SUN2: variants seen among roughly 807,000 people sequenced by gnomAD.
SUN2 encodes Sad1 and UNC84 domain containing 2.
Under a neutral mutation model 100.0 loss-of-function variants are expected in SUN2, and 60 were observed. That is an observed-to-expected ratio of 0.60 (90% CI 0.49 to 0.74). The LOEUF (loss-of-function observed/expected upper bound fraction) is 0.74. Among genes scored for constraint, SUN2 ranks in the 30% least tolerant of loss-of-function variants. The pLI is 0.00. For synonymous variants in SUN2, 367 were observed against 403.3 expected (o/e 0.91, Z 1.08); for missense variants, 834 against 954.6 (o/e 0.87, Z 1.66).
Position 38,739,853 on chromosome 22 carries a change from C to T in SUN2, c.1447G>A (p.Ala483Thr), listed in dbSNP as rs1392266565. 6.2e-7 allele frequency: 1 copy of T among 1,613,500 alleles called. No homozygotes were observed. The highest frequency in any genetic ancestry group is 8.5e-7 in the Non-Finnish European group (1 of 1,180,044). Residue 483 changes from alanine (A) to threonine (T), a missense_variant, in exon 13 of 18, where the codon GCT (alanine) becomes ACT (threonine). By Grantham distance (58) the Ala-to-Thr change is moderately conservative. Around this residue, in one of 3 missense-constraint regions of SUN2, gnomAD observed 195 missense variants for 280.2 expected, o/e 0.70. Coordinates refer to ENST00000689035, the MANE Select transcript of SUN2 (RefSeq NM_015374.3). This position sits in a 1 kb window ranked among gnomAD's most constrained non-coding sequence, Gnocchi z 6.7. ...TTGCTCTCCAGCTCTCGCAGCTGAG[C>T]TTGCATCTCCTCTCTCTGAAGGAGC... ...VGLLQREEMQ[A>T]QLRELESKIL... is the part of the protein sequence containing the mutation.
intron 1 of SUN2, among the ~76,000 whole-genome samples, chr22:38,753,832 G>C (rs1235380252): frequency 6.6e-6 from 1 of 152,222 alleles, no homozygotes; most frequent in Non-Finnish European, 1.5e-5. Context: ...TTTGGGCTCA[G>C]CTCTGACAGG....
At position 38,738,543 on chromosome 22, in the gene SUN2, TC is replaced by T; in HGVS notation, c.1947+43del. ...ATCCTCAGTAGAGAGGCCCACAGGATCCCCCTGCAGCCCCTCTGGCCCCACC... is the reference window on the plus strand; with the variant it reads ...ATCCTCAGTAGAGAGGCCCACAGGATCCCCTGCAGCCCCTCTGGCCCCACC... On this transcript the variant is annotated intron_variant, in intron 16 of 17. Transcript: ENST00000689035. This position sits in a 1 kb window ranked among gnomAD's most constrained non-coding sequence, Gnocchi z 6.6. 1 of 1,591,372 alleles carries T rather than the reference TC, an allele frequency of 6.3e-7. No homozygotes were observed. Among genetic ancestry groups the T allele is most frequent in the Non-Finnish European group, 8.6e-7 (1 of 1,164,278 alleles).
chr22:38,754,906 C>G, intron 1 of SUN2: 1 of 1,289,332 alleles, frequency 7.8e-7, no homozygotes, highest in Non-Finnish European at 1.0e-6. Context: ...ACCATTGAGT[C>G]TGGGTTTCAC....
chr22:38,751,699 T>C (rs1283864426), intron 2 of SUN2, among the ~76,000 whole-genome samples: 2 of 152,224 alleles, frequency 1.3e-5, no homozygotes, highest in Non-Finnish European at 2.9e-5. Flanking sequence ...CTGGGCCCCA[T>C]GCCTGTGAGC....
intron 2 of SUN2, 147 bp downstream of exon 2, chr22:38,752,360 C>G: frequency 1.0e-6 from 1 of 960,222 alleles, no homozygotes; most frequent in Non-Finnish European, 1.6e-6. Context: ...GGAAGGACCC[C>G]CTCGACCGGA....
chr22:38,742,175 G>A, intron 9 of SUN2, 126 bp downstream of exon 9: 1 of 1,211,772 alleles, frequency 8.3e-7, no homozygotes, highest in African/African-American at 1.5e-5. Flanking sequence ...AAAAGAGAAA[G>A]GGAGTAACTG....
chr22:38,736,070 G>T lies in SUN2; in HGVS notation c.*197C>A. On this transcript the variant is annotated 3_prime_UTR_variant, in exon 18 of 18. Coordinates refer to ENST00000689035, the MANE Select transcript of SUN2 (RefSeq NM_015374.3). ...CACGGGCACAGAGGGAAGGAAGAAG[G>T]GAGCTGCTGGAGCCTGCTAACCGCC... 1.5e-6 allele frequency: 1 copy of T among 646,676 alleles called. No individual in the cohort carries two copies. 40.1% of individuals were successfully genotyped at this position (646,676 alleles called of 1,614,324 possible). A position where few individuals can be genotyped will look rare whatever the true frequency, so the allele number is the denominator to read the frequency against.
In SUN2 at chr22:38,749,806, T is replaced by TC. The variant is rs768564794; in HGVS notation, c.573dup (p.Thr192AspfsTer8). The TC allele has an allele frequency of 6.2e-7, 1 of 1,614,094 alleles. No individual in the cohort carries two copies. The highest frequency in any genetic ancestry group is 1.7e-5 in the Admixed American group (1 of 60,022). Reference sequence around the variant, plus strand: ...ACGTCAAGGAGGGAGGCAGCTGTGGTCAGGCGGTACCAGGTGGTGCCAGCC... The same window carrying TC: ...ACGTCAAGGAGGGAGGCAGCTGTGGTCCAGGCGGTACCAGGTGGTGCCAGCC... On this transcript the variant is annotated frameshift_variant, in exon 6 of 18. Transcript: ENST00000689035. LOFTEE classifies it high-confidence loss of function.
At chr22:38,748,152 T>G (rs2092918441) in intron 7 of SUN2, among the ~76,000 whole-genome samples, 1 of 150,780 alleles carries the variant, frequency 6.6e-6, no homozygotes, top group Admixed American at 6.6e-5. Flanking sequence ...CCATCTCTAG[T>G]AAAAATACAA....
rs984143422 is a variant in SUN2, at chr22:38,738,526, T to G, written c.1947+61A>C. 1 of 1,576,758 alleles carries G rather than the reference T, an allele frequency of 6.3e-7. No individual in the cohort carries two copies. Among genetic ancestry groups the G allele is most frequent in the Non-Finnish European group, 8.7e-7 (1 of 1,155,872 alleles). On this transcript the variant is annotated intron_variant, in intron 16 of 17. Coordinates refer to ENST00000689035, the MANE Select transcript of SUN2 (RefSeq NM_015374.3). The surrounding 1 kb of genome is among the most constrained non-coding windows in gnomAD (Gnocchi z 6.6). ...AGGGTGACCCTGACTTGATCCTCAG[T>G]AGAGAGGCCCACAGGATCCCCCTGC... is the stretch of plus-strand genomic sequence containing the variant.
intron 8 of SUN2, 31 bp downstream of exon 8, chr22:38,745,653 C>G (rs909480161): frequency 9.9e-6 from 16 of 1,611,118 alleles, no homozygotes; most frequent in Non-Finnish European, 1.2e-5. Flanking sequence ...TATTGCTAAG[C>G]TCTTGGGAGC....
chr22:38,739,076 C>T lies in SUN2; in HGVS notation c.1664-88G>A, dbSNP rs377281247. The T allele has an allele frequency of 3.8e-5, 50 of 1,303,796 alleles. No homozygotes were observed. The highest frequency in any genetic ancestry group is 2.8e-4 in the Admixed American group (14 of 50,486). 80.8% of individuals were successfully genotyped at this position (1,303,796 alleles called of 1,614,324 possible). ...TGGCTGTCTCCTCGCTGAAGGTGGACGGCAGATGCCCCAGGCCTAGCCTTT... is the reference window on the plus strand; with the variant it reads ...TGGCTGTCTCCTCGCTGAAGGTGGATGGCAGATGCCCCAGGCCTAGCCTTT... On this transcript the variant is annotated intron_variant, in intron 14 of 17. Coordinates refer to ENST00000689035, the MANE Select transcript of SUN2 (RefSeq NM_015374.3). The surrounding 1 kb of genome is among the most constrained non-coding windows in gnomAD (Gnocchi z 6.7).
rs775673499 is a variant in SUN2 at position 38,752,600 on chromosome 22, C to T, written c.29G>A (p.Arg10His). 72 of 1,613,824 alleles carry T rather than the reference C, an allele frequency of 4.5e-5. No homozygotes were observed. The highest frequency in any genetic ancestry group is 8.0e-5 in the African/African-American group (6 of 74,934). MSRRSQRLT[R>H]YSQGDDDGSS... ...GCCGTCATCGTCACCCTGGGAGTAGCGCGTGAGGCGCTGGCTTCTTCGGGA... is the reference window on the plus strand; with the variant it reads ...GCCGTCATCGTCACCCTGGGAGTAGTGCGTGAGGCGCTGGCTTCTTCGGGA... Residue 10 changes from arginine to histidine, a missense_variant, in exon 2 of 18, where the codon CGC becomes CAC. By Grantham distance (29) the Arg-to-His change is conservative (BLOSUM62 0). Coordinates refer to ENST00000689035, the MANE Select transcript of SUN2 (RefSeq NM_015374.3).
chr22:38,755,454 G>T lies in SUN2; in HGVS notation c.-38+309C>A, dbSNP rs969342347. The stretch of plus-strand genomic sequence containing the variant: ...AAACGGCCTGTCTGGCACAAAACCC[G>T]TAGGCGCTGCCCGGGGCCGGGTTGG... On this transcript the variant is annotated intron_variant, in intron 1 of 17. Coordinates refer to ENST00000689035, the MANE Select transcript of SUN2 (RefSeq NM_015374.3). This position sits in a 1 kb window ranked among gnomAD's most constrained non-coding sequence, Gnocchi z 5.7. 2 of 990,604 alleles carry T rather than the reference G, an allele frequency of 2.0e-6. No individual in the cohort carries two copies. The highest frequency in any genetic ancestry group is 5.7e-5 in the Admixed American group (1 of 17,392). The allele number at this position is 990,604 out of a possible 1,614,324, so 61.4% of individuals were successfully genotyped here.
At position 38,738,632 on chromosome 22, in the gene SUN2, T is replaced by C. The variant is rs1270226919; in HGVS notation, c.1902A>G (p.Ser634=). ...GGGCACTGGAGATAGTGCTGTTGGG[T>C]GACAAGGCCTTGGGCACATGCTCTA... The part of the protein sequence containing the change: ...VTLEHVPKAL[S]PNSTISSAPK... Residue 634 remains serine (S), a synonymous_variant, in exon 16 of 18, where the codon TCA becomes TCG. Transcript: ENST00000689035. The surrounding 1 kb of genome is among the most constrained non-coding windows in gnomAD (Gnocchi z 6.6). The C allele has an allele frequency of 6.2e-7, 1 of 1,613,772 alleles. No homozygotes were observed. Among genetic ancestry groups the C allele is most frequent in the East Asian group, 2.2e-5 (1 of 44,890 alleles).
intron 8 of SUN2, among the ~76,000 whole-genome samples, chr22:38,744,446 T>C (rs1472880115): frequency 6.6e-6 from 1 of 151,962 alleles, no homozygotes; most frequent in Non-Finnish European, 1.5e-5. Context: ...ACAGACATGG[T>C]GGTGTACACC....
chr22:38,748,647 C>A, intron 7 of SUN2, 66 bp downstream of exon 7: 1 of 1,594,544 alleles, frequency 6.3e-7, no homozygotes, highest in Non-Finnish European at 8.6e-7. Flanking sequence ...CCCTGCCTGC[C>A]AAAGGTCACC....
rs754384529 is a variant in SUN2 at position 38,745,808 on chromosome 22, G to A, written c.689C>T (p.Ala230Val). The change falls in exon 8 of 18, where the codon GCT (alanine) becomes GTT (valine). Residue 230 changes from alanine (A) to valine (V), a missense_variant. Ala to Val is a moderately conservative substitution (Grantham distance 64, BLOSUM62 0). This residue lies in a region of SUN2 where 559 missense variants were observed against 597.7 expected (regional missense o/e 0.94). Transcript: ENST00000689035. ...LLLLTCLTYG[A>V]WYFYPYGLQT... Reference sequence around the variant, plus strand: ...CAGCCCATAGGGGTAGAAATACCAAGCACCTGTGCACAGGGGAGAGGGTGT... The same window carrying A: ...CAGCCCATAGGGGTAGAAATACCAAACACCTGTGCACAGGGGAGAGGGTGT... The A allele has an allele frequency of 9.3e-6, 15 of 1,613,814 alleles. No individual in the cohort carries two copies. The highest frequency in any genetic ancestry group is 1.3e-5 in the Non-Finnish European group (15 of 1,179,926).
In SUN2 at chr22:38,738,694, G is replaced by T. The variant is rs182710324; in HGVS notation, c.1840C>A (p.Arg614Ser). ...FQGPQGFAVV[R>S]LSARIRPTAV... ...GTGGGGCGGATGCGGGCAGAGAGGC[G>T]GACCACGGCGAAGCCTTGTGGCCCC... Residue 614 changes from arginine to serine, a missense_variant, in exon 16 of 18, where the codon CGC becomes AGC. Coordinates refer to ENST00000689035, the MANE Select transcript of SUN2 (RefSeq NM_015374.3). The surrounding 1 kb of genome is among the most constrained non-coding windows in gnomAD (Gnocchi z 6.6). 3.1e-6 allele frequency: 5 copies of T among 1,613,764 alleles called. No homozygotes were observed. The East Asian group carries it at 1.1e-4, about 36-fold the overall frequency.
Sources: allele counts gnomAD v4.1 joint callset (sites outside exome capture counted in the v4.1 genomes callset), GRCh38; gene constraint gnomAD v4.1.1; regional missense constraint gnomAD v4.1.1; non-coding constraint Gnocchi (gnomAD v3.1); transcripts MANE v1.5; gene names NCBI Gene and HGNC (gene_info 2026-07-23, HGNC 2026-07-21).